The following FYB1 variants were observed in gnomAD, a reference collection of about 807,000 sequenced individuals.
FYB1 encodes the protein FYN-binding protein 1.
Under a neutral mutation model 94.1 loss-of-function variants are expected in FYB1, and 41 were observed. The observed-to-expected ratio is 0.44, with a 90% CI of 0.34 to 0.57. The LOEUF (loss-of-function observed/expected upper bound fraction) is 0.57, where lower values mean the gene tolerates loss of function less well. FYB1 is among the 20% of genes least tolerant of loss of function. The pLI is 0.02. For missense variants in FYB1, 1,050 were observed against 976.8 expected, an observed-to-expected ratio of 1.07 and a Z score of -1.00; for synonymous variants, 367 against 353.2, an observed-to-expected ratio of 1.04 and a Z score of -0.44.
intron 1 of FYB1, among the ~76,000 whole-genome samples, chr5:39,237,622 G>A (rs1202115114): frequency 6.6e-6 from 1 of 152,114 alleles, no homozygotes; most frequent in African/African-American, 2.4e-5. Context: ...AGGATTGAAA[G>A]TAAAAAAGAG....
intron 4 of FYB1, 95 bp from the exon 5 acceptor site, chr5:39,139,347 T>C: frequency 9.5e-7 from 1 of 1,050,994 alleles, no homozygotes; most frequent in Non-Finnish European, 1.3e-6. Flanking sequence ...TTCAAAATAG[T>C]TCATAATCTA....
At chr5:39,112,059 C>T (rs1348300270) in intron 16 of FYB1, among the ~76,000 whole-genome samples, 3 of 151,670 alleles carry the variant, frequency 2.0e-5, no homozygotes, top group African/African-American at 7.3e-5. Flanking sequence ...AGCTCATGTC[C>T]AACAAATTCA....
chr5:39,194,577 A>G (rs970659360), intron 2 of FYB1, among the ~76,000 whole-genome samples: 2 of 152,070 alleles, frequency 1.3e-5, no homozygotes, highest in Non-Finnish European at 2.9e-5. Context: ...GAAGGAAGGA[A>G]GGAAGGGAGG....
chr5:39,177,372 T>C (rs1745826249), intron 2 of FYB1, among the ~76,000 whole-genome samples: 1 of 152,194 alleles, frequency 6.6e-6, no homozygotes, highest in African/African-American at 2.4e-5. Context: ...CACAGAGCTA[T>C]AGAGCTAGAA....
chr5:39,218,250 T>G (rs545117059), intron 1 of FYB1, among the ~76,000 whole-genome samples: 1 of 152,238 alleles, frequency 6.6e-6, no homozygotes, highest in Non-Finnish European at 1.5e-5. Flanking sequence ...ACGCCTTTGA[T>G]ATTCAGGATC....
chr5:39,264,095 C>T (rs759151024), intron 1 of FYB1, among the ~76,000 whole-genome samples: 7 of 152,164 alleles, frequency 4.6e-5, no homozygotes, highest in Non-Finnish European at 7.3e-5. Context: ...ACTCTACATT[C>T]GGATATTTTC....
intron 1 of FYB1, among the ~76,000 whole-genome samples, chr5:39,259,668 A>T (rs776143231): frequency 4.6e-5 from 7 of 152,226 alleles, no homozygotes; most frequent in Non-Finnish European, 7.3e-5. Context: ...GAATAATCTG[A>T]AAAGGACTTT....
intron 1 of FYB1, among the ~76,000 whole-genome samples, chr5:39,244,126 C>G (rs1273290985): frequency 3.9e-5 from 6 of 152,070 alleles, no homozygotes; most frequent in Admixed American, 3.9e-4. Flanking sequence ...AATTGAATAC[C>G]CTTTATTTCT....
intron 2 of FYB1, chr5:39,169,122 A>T (rs925413599): frequency 1.5e-6 from 1 of 683,030 alleles, no homozygotes; most frequent in African/African-American, 1.8e-5. Flanking sequence ...TCTTGTGCAC[A>T]TTCTCAGAAA....
chr5:39,216,572 C>A (rs993558373), intron 1 of FYB1, among the ~76,000 whole-genome samples: 24 of 152,164 alleles, frequency 1.6e-4, no homozygotes, highest in African/African-American at 5.8e-4. Context: ...CCCTGCCCTG[C>A]AACAGGCCCC....
At chr5:39,123,180 C>A (rs1740288024) in intron 13 of FYB1, among the ~76,000 whole-genome samples, 1 of 152,066 alleles carries the variant, frequency 6.6e-6, no homozygotes, top group Admixed American at 6.6e-5. Context: ...GGAGTTATTA[C>A]CATAAAAAGT....
chr5:39,126,124 T>C lies in FYB1; in HGVS notation c.1919A>G (p.Gln640Arg). 1.2e-6 allele frequency: 2 copies of C among 1,613,408 alleles called. No homozygotes were observed. Among genetic ancestry groups the C allele is most frequent in the Non-Finnish European group, 1.7e-6 (2 of 1,179,574 alleles). The change falls in exon 12 of 19, where the codon CAG becomes CGG. Residue 640 changes from glutamine (Q) to arginine (R), a missense_variant. Transcript: ENST00000512982. ...EEDADDGSTL[Q>R]VQEKSNTWSW... ...CCACGTATTACTCTTCTCTTGAACC[T>C]GTAGTGTGGAGCTTTGGAGCATGCA...
At position 39,134,876 on chromosome 5, in the gene FYB1, C is replaced by G; in HGVS notation, c.1654G>C (p.Gly552Arg). 2 of 1,613,826 alleles carry G rather than the reference C, an allele frequency of 1.2e-6. No individual in the cohort carries two copies. Among genetic ancestry groups the G allele is most frequent in the Non-Finnish European group, 1.7e-6 (2 of 1,179,844 alleles). Residue 552 changes from glycine to arginine, a missense_variant, in exon 8 of 19, where the codon GGC becomes CGC. Coordinates refer to ENST00000512982, the MANE Select transcript of FYB1 (RefSeq NM_001465.6). ...ITDNPEGKWL[G>R]RTARGSYGYI... ...TCACATGAACCCCTTGCTGTTCTGC[C>G]CAACCATTTTCCTTCTGGGTTGTCT...
intron 1 of FYB1, among the ~76,000 whole-genome samples, chr5:39,262,086 G>A (rs934704919): frequency 3.9e-5 from 6 of 151,998 alleles, no homozygotes; most frequent in African/African-American, 1.2e-4. Context: ...ATATTTAAGG[G>A]GTAGGGATTA....
At chr5:39,180,385 C>T (rs142317664) in intron 2 of FYB1, among the ~76,000 whole-genome samples, 96 of 152,282 alleles carry the variant, frequency 6.3e-4, no homozygotes, top group African/African-American at 2.3e-3. Flanking sequence ...ATTCCTATTT[C>T]ATTCCTATTC....
chr5:39,163,397 A>C (rs1424417942), intron 2 of FYB1, among the ~76,000 whole-genome samples: 1 of 152,244 alleles, frequency 6.6e-6, no homozygotes, highest in Non-Finnish European at 1.5e-5. Flanking sequence ...ATCAAAGCTG[A>C]AATTAGAATG....
intron 1 of FYB1, among the ~76,000 whole-genome samples, chr5:39,213,553 C>T (rs921178854): frequency 6.6e-6 from 1 of 152,172 alleles, no homozygotes; most frequent in Non-Finnish European, 1.5e-5. Context: ...TTATAGGGCT[C>T]AAGGCCAAAA....
intron 1 of FYB1, among the ~76,000 whole-genome samples, chr5:39,231,479 T>A (rs1297468338): frequency 1.3e-5 from 2 of 152,246 alleles, no homozygotes; most frequent in Middle Eastern, 3.4e-3. Flanking sequence ...TGGAAAAACA[T>A]ATGATATATT....
chr5:39,210,615 A>G (rs1049462224), intron 1 of FYB1, among the ~76,000 whole-genome samples: 1 of 152,170 alleles, frequency 6.6e-6, no homozygotes, highest in Non-Finnish European at 1.5e-5. Context: ...TCGAACCTTC[A>G]ATGTTCTTTT....
Sources: allele counts gnomAD v4.1 joint callset (sites outside exome capture counted in the v4.1 genomes callset), GRCh38; gene constraint gnomAD v4.1.1; transcripts MANE v1.5; gene names NCBI Gene and HGNC (gene_info 2026-07-23, HGNC 2026-07-21).